Variants in ARID5B observed in about 807,000 individuals in gnomAD.
ARID5B encodes the protein AT-rich interactive domain-containing protein 5B.
In ARID5B, 13 loss-of-function variants were observed where a neutral mutation model predicts 97.2. The ratio of observed to expected loss-of-function variants is 0.13; its 90% CI spans 0.09 to 0.21. The LOEUF (loss-of-function observed/expected upper bound fraction) is 0.21, where lower values mean the gene tolerates loss of function less well. ARID5B is among the 10% of genes least tolerant of loss of function. The pLI is 1.00. For synonymous variants in ARID5B, 556 were observed against 570.3 expected (o/e 0.97, Z 0.36); for missense variants, 1,210 against 1,465.3 (o/e 0.83, Z 2.84).
intron 7 of ARID5B, among the ~76,000 whole-genome samples, chr10:62,066,254 A>G (rs796680833): frequency 1.3e-5 from 2 of 152,166 alleles, no homozygotes; most frequent in African/African-American, 2.4e-5. Flanking sequence ...TGTTTGGACA[A>G]TGGGAGAATT....
chr10:62,086,953 G>A (rs1439865034), intron 9 of ARID5B, among the ~76,000 whole-genome samples: 2 of 152,022 alleles, frequency 1.3e-5, no homozygotes, highest in Non-Finnish European at 2.9e-5. Context: ...AGAAGTGTTT[G>A]TCTCCCATAA....
chr10:61,959,008 G>C (rs1248040841), intron 3 of ARID5B, among the ~76,000 whole-genome samples: 2 of 152,190 alleles, frequency 1.3e-5, no homozygotes, highest in Non-Finnish European at 2.9e-5. Context: ...GCAATGAAAG[G>C]CTGTCAGTTG....
chr10:61,908,820 A>AAAAG (rs1251041161), intron 2 of ARID5B, among the ~76,000 whole-genome samples: 5 of 146,166 alleles, frequency 3.4e-5, no homozygotes, highest in African/African-American at 1.1e-4. Context: ...AAAAAAAAAA[A>AAAAG]AAGAAGAAGA....
At chr10:62,082,376 A>G (rs967555559) in intron 8 of ARID5B, among the ~76,000 whole-genome samples, 1 of 152,156 alleles carries the variant, frequency 6.6e-6, no homozygotes, top group Non-Finnish European at 1.5e-5. Context: ...TTTCTAATGA[A>G]TATATTGCTT....
intron 3 of ARID5B, among the ~76,000 whole-genome samples, chr10:61,983,265 C>T (rs1263802079): frequency 6.6e-6 from 1 of 152,172 alleles, no homozygotes; most frequent in Non-Finnish European, 1.5e-5. Context: ...TCAGTTTTCT[C>T]ATCCAAGCCC....
intron 8 of ARID5B, among the ~76,000 whole-genome samples, chr10:62,079,047 A>T (rs1216340725): frequency 6.6e-6 from 1 of 152,210 alleles, no homozygotes; most frequent in Admixed American, 6.5e-5. Context: ...GAATGGCTAC[A>T]TATGTATTTT....
At chr10:62,035,374 A>G (rs1026404688) in intron 4 of ARID5B, among the ~76,000 whole-genome samples, 1 of 152,158 alleles carries the variant, frequency 6.6e-6, no homozygotes, top group Admixed American at 6.6e-5. Context: ...ATGATGCTAC[A>G]GTGATCAAGA....
chr10:62,008,990 C>T (rs1334006792), intron 4 of ARID5B, among the ~76,000 whole-genome samples: 1 of 152,196 alleles, frequency 6.6e-6, no homozygotes, highest in Non-Finnish European at 1.5e-5. Context: ...CTGCTTCTGT[C>T]ACTTTTTTAT....
chr10:61,964,122 G>A (rs1838511690), intron 3 of ARID5B, among the ~76,000 whole-genome samples: 1 of 152,126 alleles, frequency 6.6e-6, no homozygotes, highest in Non-Finnish European at 1.5e-5. Context: ...TAGGGAATAG[G>A]CAGGCATCAG....
Position 62,094,620 on chromosome 10 carries a change from G to T in ARID5B, c.*1590G>T, listed in dbSNP as rs932919810. On this transcript the variant is annotated 3_prime_UTR_variant, in exon 10 of 10. Transcript: ENST00000279873. ...GTGGAGAATGTCCGTTGTCATTCTT[G>T]CCACTGTATTCCATTTGCTACCGAG... The T allele has an allele frequency of 8.7e-6, 2 of 230,844 alleles. No individual in the cohort carries two copies. The highest frequency in any genetic ancestry group is 4.4e-5 in the African/African-American group (2 of 45,174). The allele number at this position is 230,844 out of a possible 1,614,324, so 14.3% of individuals were successfully genotyped here. A position where few individuals can be genotyped will look rare whatever the true frequency, so the allele number is the denominator to read the frequency against.
rs575460827 is a variant in ARID5B at position 62,096,348 on chromosome 10, C to T, written c.*3318C>T. 1.3e-5 allele frequency: 3 copies of T among 233,524 alleles called. No homozygotes were observed. In the East Asian group the frequency reaches 1.8e-4, roughly 14 times the overall value. The allele number at this position is 233,524 out of a possible 1,614,324, so 14.5% of individuals were successfully genotyped here. A position where few individuals can be genotyped will look rare whatever the true frequency, so the allele number is the denominator to read the frequency against. ...TCAAAGAGAACCATTTATTTCTCTT[C>T]ACTTATCGTCCCACAAAGTCACATT... is the stretch of plus-strand genomic sequence containing the variant. On this transcript the variant is annotated 3_prime_UTR_variant, in exon 10 of 10. Transcript: ENST00000279873.
chr10:61,944,864 A>G (rs1181045081), intron 3 of ARID5B, among the ~76,000 whole-genome samples: 1 of 152,214 alleles, frequency 6.6e-6, no homozygotes, highest in African/African-American at 2.4e-5. Flanking sequence ...AAAAAGAAAG[A>G]AAAGATAGAG....
At chr10:61,994,904 T>TA (rs1316853332) in intron 3 of ARID5B, among the ~76,000 whole-genome samples, 3 of 152,340 alleles carry the variant, frequency 2.0e-5, no homozygotes, top group African/African-American at 7.2e-5. Flanking sequence ...TTGGGTCTCT[T>TA]ATTCCCTTTG....
intron 2 of ARID5B, among the ~76,000 whole-genome samples, chr10:61,917,070 C>T (rs932518333): frequency 4.6e-5 from 7 of 151,052 alleles, no homozygotes; most frequent in East Asian, 1.9e-4. Context: ...GGAGGCTAAG[C>T]GGGGAGGATC....
intron 3 of ARID5B, among the ~76,000 whole-genome samples, chr10:61,973,357 G>A (rs1361660403): frequency 6.6e-6 from 1 of 152,202 alleles, no homozygotes; most frequent in African/African-American, 2.4e-5. Flanking sequence ...TGTAGCCAAT[G>A]AGCATTTATC....
At chr10:62,079,092 C>T (rs1840176319) in intron 8 of ARID5B, among the ~76,000 whole-genome samples, 1 of 152,196 alleles carries the variant, frequency 6.6e-6, no homozygotes, top group Non-Finnish European at 1.5e-5. Flanking sequence ...GGAGAATGCT[C>T]ACTCCAGTTT....
chr10:61,927,949 C>T (rs1844136389), intron 2 of ARID5B, among the ~76,000 whole-genome samples: 1 of 152,176 alleles, frequency 6.6e-6, no homozygotes, highest in African/African-American at 2.4e-5. Flanking sequence ...ATGCGGGCTC[C>T]ATTAACAGAG....
Position 62,085,790 on chromosome 10 carries a change from C to A in ARID5B, c.1288C>A (p.Gln430Lys). ...ACCTCGGAAACAGGAGAACAGTTCA[C>A]AGGAAAATGAGAACAAAACAAAAGT... ...IKPRKQENSS[Q>K]ENENKTKVSG... is the part of the protein sequence containing the mutation. Residue 430 changes from glutamine (Q) to lysine (K), a missense_variant, in exon 9 of 10, where the codon CAG becomes AAG. Gln to Lys is a moderately conservative substitution (Grantham distance 53). Coordinates refer to ENST00000279873, the MANE Select transcript of ARID5B (RefSeq NM_032199.3). 6.2e-7 allele frequency: 1 copy of A among 1,614,078 alleles called. No individual in the cohort carries two copies. The highest frequency in any genetic ancestry group is 1.3e-5 in the African/African-American group (1 of 75,004).
intron 1 of ARID5B, among the ~76,000 whole-genome samples, 183 bp from the exon 2 acceptor site, chr10:61,901,973 GTTT>G (rs371641779): frequency 0.08 from 10,583 of 131,542 alleles, 499 homozygotes; most frequent in East Asian, 0.14. Flanking sequence ...GGGGCCCTGA[GTTT>G]TTTTTTTTTT....
Sources: allele counts gnomAD v4.1 joint callset (sites outside exome capture counted in the v4.1 genomes callset), GRCh38; gene constraint gnomAD v4.1.1; transcripts MANE v1.5; gene names NCBI Gene and HGNC (gene_info 2026-07-23, HGNC 2026-07-21).